The following BANK1 variants were observed in gnomAD, a reference collection of about 807,000 sequenced individuals.
BANK1 encodes B cell scaffold protein with ankyrin repeats 1.
In BANK1, 95 loss-of-function variants were observed where a neutral mutation model predicts 94.5. The ratio of observed to expected loss-of-function variants is 1.00; its 90% CI spans 0.85 to 1.19. BANK1 has a LOEUF of 1.19. Ranked by LOEUF, BANK1 falls within the 50% of genes most tolerant of loss-of-function variation. The probability of loss-of-function intolerance (pLI) is 0.00; values close to 1 mark genes in which losing one functional copy is unlikely to be tolerated. For synonymous variants in BANK1, 334 were observed against 308.4 expected, an observed-to-expected ratio of 1.08 and a Z score of -0.87; for missense variants, 987 against 932.2, an observed-to-expected ratio of 1.06 and a Z score of -0.77.
intron 2 of BANK1, among the ~76,000 whole-genome samples, chr4:101,851,335 C>T (rs1727467872): frequency 6.6e-6 from 1 of 152,068 alleles, no homozygotes; most frequent in African/African-American, 2.4e-5. Context: ...AAGTACTGTC[C>T]TTGAGATATA....
chr4:101,996,021 C>T (rs746881564), intron 7 of BANK1, among the ~76,000 whole-genome samples: 14 of 152,214 alleles, frequency 9.2e-5, no homozygotes, highest in Non-Finnish European at 1.8e-4. Flanking sequence ...AGTCTTTGCC[C>T]ATACCTATGT....
At chr4:101,824,828 C>T (rs1125271) in intron 1 of BANK1, among the ~76,000 whole-genome samples, 40,524 of 151,776 alleles carry the variant, frequency 0.27, 5,568 homozygotes, top group Non-Finnish European at 0.3. Flanking sequence ...GAAAATCTGC[C>T]ATTTGAAGCT....
intron 3 of BANK1, among the ~76,000 whole-genome samples, chr4:101,858,359 T>C (rs1227713489): frequency 6.6e-6 from 1 of 152,208 alleles, no homozygotes; most frequent in African/African-American, 2.4e-5. Context: ...TCCAAAAATA[T>C]CAACAGTGTC....
chr4:102,060,987 T>G (rs1015086220), intron 12 of BANK1, among the ~76,000 whole-genome samples: 1 of 152,142 alleles, frequency 6.6e-6, no homozygotes. Flanking sequence ...CCCCTTGATA[T>G]TCCTTAGTGA....
intron 5 of BANK1, among the ~76,000 whole-genome samples, chr4:101,889,454 C>T (rs62321737): frequency 0.069 from 10,457 of 151,252 alleles, 627 homozygotes; most frequent in East Asian, 0.2. Context: ...AAAAATTAGC[C>T]GGGCGCGGTG....
chr4:102,032,252 G>T (rs750045944), intron 10 of BANK1: 1 of 152,158 alleles, frequency 6.6e-6, no homozygotes, highest in Non-Finnish European at 1.5e-5. Context: ...CTCAGGACAA[G>T]AATGGAATCC....
At chr4:101,928,215 G>T (rs1323066765) in intron 7 of BANK1, among the ~76,000 whole-genome samples, 1 of 151,544 alleles carries the variant, frequency 6.6e-6, no homozygotes, top group African/African-American at 2.4e-5. Context: ...CAATTCTGAT[G>T]AATATTTTGC....
intron 11 of BANK1, among the ~76,000 whole-genome samples, chr4:102,049,612 G>A (rs1312863347): frequency 1.3e-5 from 2 of 152,150 alleles, no homozygotes; most frequent in Admixed American, 6.5e-5. Flanking sequence ...AGGCAGACAC[G>A]AGCAGGGCAG....
intron 13 of BANK1, among the ~76,000 whole-genome samples, chr4:102,066,776 TATACAA>T (rs1728609560): frequency 6.6e-6 from 1 of 152,136 alleles, no homozygotes; most frequent in South Asian, 2.1e-4. Flanking sequence ...ATACTGAAAT[TATACAA>T]AGCAGGTAGA....
intron 7 of BANK1, among the ~76,000 whole-genome samples, chr4:101,998,537 G>A (rs891821918): frequency 2.6e-5 from 4 of 152,054 alleles, no homozygotes; most frequent in African/African-American, 7.2e-5. Context: ...CACTATTTTT[G>A]TGTGGGAGTT....
rs3774925 is a variant in BANK1 at position 102,028,265 on chromosome 4, C to T, written c.1595-1695C>T. Among the ~76,000 whole-genome samples, 15 of 152,318 alleles carry T rather than the reference C, an allele frequency of 9.8e-5. No homozygotes were observed. The East Asian group carries it at 2.7e-3, about 27-fold the overall frequency. Reference sequence around the variant, plus strand: ...GGTTCCCACACACTTAATCTGTTTTCACCTGTGTTGCTGTCAGTGAACCAG... The same window carrying T: ...GGTTCCCACACACTTAATCTGTTTTTACCTGTGTTGCTGTCAGTGAACCAG... On this transcript the variant is annotated intron_variant, in intron 9 of 16. Coordinates refer to ENST00000322953, the MANE Select transcript of BANK1 (RefSeq NM_017935.5).
chr4:102,016,635 A>T (rs1726710237), intron 7 of BANK1, among the ~76,000 whole-genome samples: 1 of 152,146 alleles, frequency 6.6e-6, no homozygotes, highest in African/African-American at 2.4e-5. Flanking sequence ...GGACTGGAAG[A>T]CCTGATTAAC....
chr4:101,983,578 G>A (rs1189543270), intron 7 of BANK1, among the ~76,000 whole-genome samples: 2 of 151,966 alleles, frequency 1.3e-5, no homozygotes, highest in Non-Finnish European at 2.9e-5. Flanking sequence ...GAAAATTGTT[G>A]GAAGACAAGA....
intron 1 of BANK1, among the ~76,000 whole-genome samples, chr4:101,794,255 A>G (rs1026586311): frequency 1.1e-4 from 16 of 152,136 alleles, no homozygotes; most frequent in Non-Finnish European, 1.5e-5. Flanking sequence ...TTTGAAAAAA[A>G]TAAGCATCAA....
At chr4:102,009,150 A>G (rs968854088) in intron 7 of BANK1, among the ~76,000 whole-genome samples, 2 of 152,250 alleles carry the variant, frequency 1.3e-5, no homozygotes, top group Non-Finnish European at 2.9e-5. Context: ...ACAACAGTCA[A>G]TACGGTACTT....
At chr4:101,807,188 G>A (rs963853145) in intron 1 of BANK1, among the ~76,000 whole-genome samples, 10 of 152,068 alleles carry the variant, frequency 6.6e-5, no homozygotes, top group African/African-American at 2.2e-4. Flanking sequence ...CTCAATTTTT[G>A]TTATTCTACC....
At chr4:101,987,520 T>C (rs752479345) in intron 7 of BANK1, among the ~76,000 whole-genome samples, 5 of 152,178 alleles carry the variant, frequency 3.3e-5, no homozygotes, top group Non-Finnish European at 5.9e-5. Context: ...ATATAAATAC[T>C]AAAATATTCC....
intron 11 of BANK1, among the ~76,000 whole-genome samples, chr4:102,052,113 C>CTTT (rs199811166): frequency 2.4e-4 from 25 of 104,006 alleles, no homozygotes; most frequent in African/African-American, 5.7e-4. Context: ...TTCTTTTTTT[C>CTTT]TTTTTTTTTT....
chr4:101,900,721 CA>C (rs1722254136), intron 6 of BANK1, among the ~76,000 whole-genome samples: 1 of 152,086 alleles, frequency 6.6e-6, no homozygotes. Context: ...GGTGCTATGG[CA>C]AGAATAGTTT....
Sources: allele counts gnomAD v4.1 joint callset (sites outside exome capture counted in the v4.1 genomes callset), GRCh38; gene constraint gnomAD v4.1.1; transcripts MANE v1.5; gene names NCBI Gene and HGNC (gene_info 2026-07-23, HGNC 2026-07-21).